The following PYCARD variants were observed in gnomAD, a reference collection of about 807,000 sequenced individuals.
The protein encoded by PYCARD is PYD and CARD domain containing.
A neutral mutation model predicts 10.0 loss-of-function variants in PYCARD; 10 were observed. The ratio of observed to expected loss-of-function variants is 1.00; its 90% CI spans 0.62 to 1.69. PYCARD has a LOEUF of 1.69. PYCARD is among the 40% of genes most tolerant of loss of function. The pLI is 0.00. For synonymous variants in PYCARD, 121 were observed against 122.3 expected, an observed-to-expected ratio of 0.99 and a Z score of 0.07; for missense variants, 239 against 260.2, an observed-to-expected ratio of 0.92 and a Z score of 0.56.
In PYCARD at chr16:31,202,468, C is replaced by A. The variant is rs142358771; in HGVS notation, c.223G>T (p.Asp75Tyr). The A allele has an allele frequency of 3.8e-4, 600 of 1,576,586 alleles. 1 individual carries two copies. The highest frequency in any genetic ancestry group is 2.7e-4 in the Non-Finnish European group (318 of 1,162,642). The stretch of plus-strand genomic sequence containing the variant: ...CCGGCCATCTCCTGCAGGCCCATGT[C>A]GCGCAGCACGTTAGCGGTGAGCTCG... ...GAELTANVLR[D>Y]MGLQEMAGQL... The change falls in exon 1 of 3, where the codon GAC becomes TAC. Residue 75 changes from aspartate to tyrosine, a missense_variant. By Grantham distance (160) the Asp-to-Tyr change is radical (BLOSUM62 -3). Coordinates refer to ENST00000247470, the MANE Select transcript of PYCARD (RefSeq NM_013258.5). The surrounding 1 kb of genome is among the most constrained non-coding windows in gnomAD (Gnocchi z 4.5).
At position 31,202,358 on chromosome 16, in the gene PYCARD, G is replaced by A; in HGVS notation, c.274+59C>T. Reference sequence around the variant, plus strand: ...AACAGAAAGCGGAAGAGCCCGCGGGGTAAGCGCTGGTGTGGGTGGAGGGGA... The same window carrying A: ...AACAGAAAGCGGAAGAGCCCGCGGGATAAGCGCTGGTGTGGGTGGAGGGGA... On this transcript the variant is annotated intron_variant, in intron 1 of 2. Coordinates refer to ENST00000247470, the MANE Select transcript of PYCARD (RefSeq NM_013258.5). This position sits in a 1 kb window ranked among gnomAD's most constrained non-coding sequence, Gnocchi z 4.5. The A allele has an allele frequency of 1.3e-6, 2 of 1,499,596 alleles. No homozygotes were observed. Among genetic ancestry groups the A allele is most frequent in the East Asian group, 5.0e-5 (2 of 40,122 alleles). The allele number at this position is 1,499,596 out of a possible 1,614,324, so 92.9% of individuals were successfully genotyped here.
Position 31,202,461 on chromosome 16 carries a change from C to T in PYCARD, c.230G>A (p.Gly77Asp). The T allele has an allele frequency of 6.4e-7, 1 of 1,570,212 alleles. No individual in the cohort carries two copies. The highest frequency in any genetic ancestry group is 8.6e-7 in the Non-Finnish European group (1 of 1,159,434). The change falls in exon 1 of 3, where the codon GGC becomes GAC. Residue 77 changes from glycine (G) to aspartate (D), a missense_variant. Physicochemically the swap from Gly to Asp is moderately conservative, Grantham distance 94. Transcript: ENST00000247470. The surrounding 1 kb of genome is among the most constrained non-coding windows in gnomAD (Gnocchi z 4.5). ...CAGCTGCCCGGCCATCTCCTGCAGG[C>T]CCATGTCGCGCAGCACGTTAGCGGT... ...ELTANVLRDMGLQEMAGQLQA... is the reference protein window; with the variant it reads ...ELTANVLRDMDLQEMAGQLQA...
Position 31,202,072 on chromosome 16 carries a change from C to G in PYCARD, c.331+75G>C. ...CAAGCCGTGCCTGCCCTGCCCTGCC[C>G]TGCCCTGGTTGCGGGAGCACAGATG... is the stretch of plus-strand genomic sequence containing the variant. On this transcript the variant is annotated intron_variant, in intron 2 of 2. Transcript: ENST00000247470. This position sits in a 1 kb window ranked among gnomAD's most constrained non-coding sequence, Gnocchi z 4.5. 1.3e-6 allele frequency: 2 copies of G among 1,551,424 alleles called. No individual in the cohort carries two copies. The highest frequency in any genetic ancestry group is 8.7e-7 in the Non-Finnish European group (1 of 1,151,142).
chr16:31,202,006 C>A lies in PYCARD; in HGVS notation c.331+141G>T. 1 of 1,451,516 alleles carries A rather than the reference C, an allele frequency of 6.9e-7. No individual in the cohort carries two copies. The highest frequency in any genetic ancestry group is 9.2e-7 in the Non-Finnish European group (1 of 1,088,444). The allele number at this position is 1,451,516 out of a possible 1,614,324, so 89.9% of individuals were successfully genotyped here. A position where few individuals can be genotyped will look rare whatever the true frequency, so the allele number is the denominator to read the frequency against. ...ATGAGGGTAATATTGTCTCCCTTCC[C>A]CCGCAGGGTGTGGGTTGGTGGGTGG... On this transcript the variant is annotated intron_variant, in intron 2 of 2. Coordinates refer to ENST00000247470, the MANE Select transcript of PYCARD (RefSeq NM_013258.5). The surrounding 1 kb of genome is among the most constrained non-coding windows in gnomAD (Gnocchi z 4.5).
In PYCARD at chr16:31,201,711, G is replaced by C. The variant is rs1286394406; in HGVS notation, c.462C>G (p.Thr154=). ...EQYQAVRAEP[T]NPSKMRKLFS... is the part of the protein sequence containing the mutation. The stretch of plus-strand genomic sequence containing the variant: ...AGAGCTTCCGCATCTTGCTTGGGTT[G>C]GTGGGCTCGGCCCGCACTGCCTGGT... Residue 154 remains threonine, a synonymous_variant, in exon 3 of 3, where the codon ACC becomes ACG. Transcript: ENST00000247470. The C allele has an allele frequency of 6.2e-7, 1 of 1,614,074 alleles. No individual in the cohort carries two copies. Among genetic ancestry groups the C allele is most frequent in the African/African-American group, 1.3e-5 (1 of 74,932 alleles).
At position 31,201,524 on chromosome 16, in the gene PYCARD, A is replaced by G; in HGVS notation, c.*61T>C. 6.4e-7 allele frequency: 1 copy of G among 1,573,554 alleles called. No homozygotes were observed. The highest frequency in any genetic ancestry group is 8.6e-7 in the Non-Finnish European group (1 of 1,159,788). ...TTCGTATATTGTGTATAAAAAGATC[A>G]GATTCAGGATGATTTGGTGGGATTG... On this transcript the variant is annotated 3_prime_UTR_variant, in exon 3 of 3. Transcript: ENST00000247470.
In PYCARD at chr16:31,201,857, G is replaced by C. The variant is rs772355293; in HGVS notation, c.332-16C>G. On this transcript the variant is annotated splice_polypyrimidine_tract_variant and intron_variant, in intron 2 of 2. Transcript: ENST00000247470. ...AAGTGCAGGCCTGGGGGTGGGAGGA[G>C]AACATGAGCCAGCAGCCAGGGTGTG... 3 of 1,611,284 alleles carry C rather than the reference G, an allele frequency of 1.9e-6. No homozygotes were observed. The highest frequency in any genetic ancestry group is 1.1e-5 in the South Asian group (1 of 91,054).
Position 31,202,578 on chromosome 16 carries a change from C to T in PYCARD, c.113G>A (p.Arg38His). ...LSVPLREGYG[R>H]IPRGALLSMD... is the part of the protein sequence containing the mutation. ...GGACAGCAGCGCGCCCCGCGGGATG[C>T]GCCCGTAGCCCTCGCGCAGCGGCAC... Residue 38 changes from arginine (R) to histidine (H), a missense_variant, in exon 1 of 3, where the codon CGC becomes CAC. Transcript: ENST00000247470. This position sits in a 1 kb window ranked among gnomAD's most constrained non-coding sequence, Gnocchi z 4.5. The T allele has an allele frequency of 8.7e-6, 14 of 1,612,736 alleles. No homozygotes were observed. The highest frequency in any genetic ancestry group is 1.2e-5 in the Non-Finnish European group (14 of 1,179,682).
Position 31,202,547 on chromosome 16 carries a change from G to A in PYCARD, c.144C>T (p.Asp48=), listed in dbSNP as rs1366281728. 1.9e-6 allele frequency: 3 copies of A among 1,612,372 alleles called. No individual in the cohort carries two copies. Among genetic ancestry groups the A allele is most frequent in the East Asian group, 2.2e-5 (1 of 44,862 alleles). The change falls in exon 1 of 3, where the codon GAC becomes GAT. Residue 48 remains aspartate, a synonymous_variant. Transcript: ENST00000247470. This position sits in a 1 kb window ranked among gnomAD's most constrained non-coding sequence, Gnocchi z 4.5. ...RIPRGALLSM[D]ALDLTDKLVS... is the part of the protein sequence containing the mutation. Reference sequence around the variant, plus strand: ...CCAGCTTGTCGGTGAGGTCCAAGGCGTCCATGGACAGCAGCGCGCCCCGCG... The same window carrying A: ...CCAGCTTGTCGGTGAGGTCCAAGGCATCCATGGACAGCAGCGCGCCCCGCG...
rs145616548 is a variant in PYCARD at position 31,201,724 on chromosome 16, C to A, written c.449G>T (p.Arg150Leu). 3.8e-5 allele frequency: 61 copies of A among 1,614,216 alleles called. No homozygotes were observed. In the Admixed American group the frequency reaches 6.0e-4, roughly 16 times the overall value. Reference protein sequence around the residue: ...VLTDEQYQAVRAEPTNPSKMR... With the variant: ...VLTDEQYQAVLAEPTNPSKMR... ...CTTGCTTGGGTTGGTGGGCTCGGCC[C>A]GCACTGCCTGGTACTGCTCATCCGT... The change falls in exon 3 of 3, where the codon CGG becomes CTG. Residue 150 changes from arginine (R) to leucine (L), a missense_variant. Transcript: ENST00000247470.
In PYCARD at chr16:31,202,174, C is replaced by A. The variant is rs781531889; in HGVS notation, c.304G>T (p.Ala102Ser). Residue 102 changes from alanine to serine, a missense_variant, in exon 2 of 3, where the codon GCC becomes TCC. Coordinates refer to ENST00000247470, the MANE Select transcript of PYCARD (RefSeq NM_013258.5). The surrounding 1 kb of genome is among the most constrained non-coding windows in gnomAD (Gnocchi z 4.5). ...GGCTTGGCTGCCGACTGAGGAGGGG[C>A]CTGGATCCCAGCTGGCGCGGCTCCA... ...GSGAAPAGIQAPPQSAAKPGL... is the reference protein window; with the variant it reads ...GSGAAPAGIQSPPQSAAKPGL... 1.2e-6 allele frequency: 2 copies of A among 1,606,710 alleles called. No individual in the cohort carries two copies. The highest frequency in any genetic ancestry group is 2.2e-5 in the East Asian group (1 of 44,862).
rs186706992 is a variant in PYCARD, at chr16:31,201,562, C to A, written c.*23G>T. 2.0e-5 allele frequency: 32 copies of A among 1,605,362 alleles called. No homozygotes were observed. Among genetic ancestry groups the A allele is most frequent in the South Asian group, 2.2e-5 (2 of 90,928 alleles). ...TTTGGTGGGATTGCCAGGGGCTGAC[C>A]GGAGTGTTGCTGGGAAGGAGCCTCA... On this transcript the variant is annotated 3_prime_UTR_variant, in exon 3 of 3. Coordinates refer to ENST00000247470, the MANE Select transcript of PYCARD (RefSeq NM_013258.5).
Position 31,202,634 on chromosome 16 carries a change from C to T in PYCARD, c.57G>A (p.Glu19=). Residue 19 remains glutamate (E), a synonymous_variant, in exon 1 of 3, where the codon GAG becomes GAA. Coordinates refer to ENST00000247470, the MANE Select transcript of PYCARD (RefSeq NM_013258.5). The surrounding 1 kb of genome is among the most constrained non-coding windows in gnomAD (Gnocchi z 4.5). The stretch of plus-strand genomic sequence containing the variant: ...GCAGCTTCAGCTTGAACTTCTTGAG[C>T]TCCTCGGCGGTCAGGTTCTCCAGCG... ...LDALENLTAE[E]LKKFKLKLLS... is the part of the protein sequence containing the mutation. The T allele has an allele frequency of 6.2e-7, 1 of 1,611,186 alleles. No homozygotes were observed. Among genetic ancestry groups the T allele is most frequent in the Non-Finnish European group, 8.5e-7 (1 of 1,178,692 alleles).
rs576547249 is a variant in PYCARD, at chr16:31,201,502, G to C, written c.*83C>G. 3.9e-6 allele frequency: 6 copies of C among 1,538,550 alleles called. No individual in the cohort carries two copies. The highest frequency in any genetic ancestry group is 1.4e-5 in the African/African-American group (1 of 72,754). On this transcript the variant is annotated 3_prime_UTR_variant, in exon 3 of 3. Transcript: ENST00000247470. ...ACACACAAGTTCAAGCTGGCTTTTC[G>C]TATATTGTGTATAAAAAGATCAGAT...
rs774162196 is a variant in PYCARD at position 31,201,591 on chromosome 16, C to G, written c.582G>C (p.Arg194=). The change falls in exon 3 of 3, where the codon CGG becomes CGC. Residue 194 remains arginine (R), a synonymous_variant. Coordinates refer to ENST00000247470, the MANE Select transcript of PYCARD (RefSeq NM_013258.5). ...SQSYLVEDLE[R]S ...GTGTTGCTGGGAAGGAGCCTCAGCT[C>G]CGCTCCAGGTCCTCCACCAGGTAGG... The G allele has an allele frequency of 1.2e-6, 2 of 1,612,552 alleles. No individual in the cohort carries two copies. The highest frequency in any genetic ancestry group is 1.7e-6 in the Non-Finnish European group (2 of 1,178,808).
Position 31,201,627 on chromosome 16 carries a change from C to T in PYCARD, c.546G>A (p.Arg182=). The change falls in exon 3 of 3, where the codon AGG becomes AGA. Residue 182 remains arginine, a synonymous_variant. Coordinates refer to ENST00000247470, the MANE Select transcript of PYCARD (RefSeq NM_013258.5). The part of the protein sequence containing the change: ...TCKDLLLQAL[R]ESQSYLVEDL... ...CCTCCACCAGGTAGGACTGGGACTC[C>T]CTTAGGGCCTGGAGGAGCAAGTCCT... The T allele has an allele frequency of 1.2e-6, 2 of 1,614,172 alleles. No homozygotes were observed. Among genetic ancestry groups the T allele is most frequent in the Non-Finnish European group, 8.5e-7 (1 of 1,180,036 alleles).
rs762562211 is a variant in PYCARD, at chr16:31,202,481, A to G, written c.210T>C (p.Ala70=). Residue 70 remains alanine, a synonymous_variant, in exon 1 of 3, where the codon GCT becomes GCC. Transcript: ENST00000247470. The surrounding 1 kb of genome is among the most constrained non-coding windows in gnomAD (Gnocchi z 4.5). ...GCAGGCCCATGTCGCGCAGCACGTT[A>G]GCGGTGAGCTCGGCGCCGTAGGTCT... ...YLETYGAELT[A]NVLRDMGLQE... The G allele has an allele frequency of 6.3e-7, 1 of 1,590,566 alleles. No individual in the cohort carries two copies.
At position 31,202,356 on chromosome 16, in the gene PYCARD, G is replaced by A. The variant is rs139397394; in HGVS notation, c.274+61C>T. 8 of 1,531,708 alleles carry A rather than the reference G, an allele frequency of 5.2e-6. No homozygotes were observed. Among genetic ancestry groups the A allele is most frequent in the African/African-American group, 4.1e-5 (3 of 73,016 alleles). The allele number at this position is 1,531,708 out of a possible 1,614,324, so 94.9% of individuals were successfully genotyped here. A position where few individuals can be genotyped will look rare whatever the true frequency, so the allele number is the denominator to read the frequency against. On this transcript the variant is annotated intron_variant, in intron 1 of 2. Transcript: ENST00000247470. This position sits in a 1 kb window ranked among gnomAD's most constrained non-coding sequence, Gnocchi z 4.5. ...GGAACAGAAAGCGGAAGAGCCCGCGGGGTAAGCGCTGGTGTGGGTGGAGGG... is the reference window on the plus strand; with the variant it reads ...GGAACAGAAAGCGGAAGAGCCCGCGAGGTAAGCGCTGGTGTGGGTGGAGGG...
rs753754045 is a variant in PYCARD at position 31,201,748 on chromosome 16, G to A, written c.425C>T (p.Thr142Met). ...CCGCACTGCCTGGTACTGCTCATCCGTCAGGACCTTCCCGTACAGAGCATC... is the reference window on the plus strand; with the variant it reads ...CCGCACTGCCTGGTACTGCTCATCCATCAGGACCTTCCCGTACAGAGCATC... ...LLDALYGKVL[T>M]DEQYQAVRAE... The change falls in exon 3 of 3, where the codon ACG (threonine) becomes ATG (methionine). Residue 142 changes from threonine (T) to methionine (M), a missense_variant. Transcript: ENST00000247470. The A allele has an allele frequency of 3.1e-6, 5 of 1,614,062 alleles. No individual in the cohort carries two copies. The highest frequency in any genetic ancestry group is 1.1e-5 in the South Asian group (1 of 91,094).
Sources: allele counts gnomAD v4.1 joint callset, GRCh38; gene constraint gnomAD v4.1.1; non-coding constraint Gnocchi (gnomAD v3.1); transcripts MANE v1.5; gene names NCBI Gene and HGNC (gene_info 2026-07-23, HGNC 2026-07-21).